TMEM163: variants seen among roughly 807,000 people sequenced by gnomAD.
The protein encoded by TMEM163 is transmembrane protein 163.
A neutral mutation model predicts 29.3 loss-of-function variants in TMEM163; 17 were observed. That is an observed-to-expected ratio of 0.58 (90% confidence interval 0.40 to 0.87). The LOEUF (loss-of-function observed/expected upper bound fraction) is 0.87. TMEM163 is among the 40% of genes least tolerant of loss of function. TMEM163 has a pLI of 0.00. For synonymous variants in TMEM163, 157 were observed against 160.6 expected (o/e 0.98, Z 0.17); for missense variants, 303 against 381.5 (o/e 0.79, Z 1.71).
chr2:134,659,995 G>T (rs183317381), intron 2 of TMEM163, among the ~76,000 whole-genome samples: 1 of 152,292 alleles, frequency 6.6e-6, no homozygotes, highest in East Asian at 1.9e-4. Context: ...TGTTTATTTA[G>T]TTCATGAAGA....
chr2:134,680,905 A>G (rs551668553), intron 2 of TMEM163, among the ~76,000 whole-genome samples: 11 of 152,294 alleles, frequency 7.2e-5, no homozygotes, highest in Admixed American at 3.3e-4. Context: ...ACAAAAGCAC[A>G]TGAAGAGCTT....
intron 6 of TMEM163, among the ~76,000 whole-genome samples, chr2:134,465,219 AAT>A (rs767806354): frequency 0.018 from 2,386 of 135,890 alleles, 54 homozygotes; most frequent in African/African-American, 0.056. Flanking sequence ...ACAAAACAAA[AAT>A]ATATATATAT....
chr2:134,503,661 T>C (rs146422363), intron 4 of TMEM163, among the ~76,000 whole-genome samples: 3 of 152,142 alleles, frequency 2.0e-5, no homozygotes, highest in African/African-American at 4.8e-5. Context: ...TAAGAGAAAC[T>C]CTAAAAGGCA....
intron 4 of TMEM163, among the ~76,000 whole-genome samples, chr2:134,507,335 T>TATAAATAA (rs756894803): frequency 7.5e-6 from 1 of 133,602 alleles, no homozygotes; most frequent in Non-Finnish European, 1.6e-5. Flanking sequence ...AAACTCTACC[T>TATAAATAA]CTAAATAAAT....
At chr2:134,539,722 A>G (rs1220986724) in intron 4 of TMEM163, among the ~76,000 whole-genome samples, 1 of 152,250 alleles carries the variant, frequency 6.6e-6, no homozygotes, top group Non-Finnish European at 1.5e-5. Context: ...TTCAATGTCC[A>G]GTAGCAAACA....
At chr2:134,708,293 T>A (rs2104897616) in intron 2 of TMEM163, among the ~76,000 whole-genome samples, 1 of 152,340 alleles carries the variant, frequency 6.6e-6, no homozygotes, top group African/African-American at 2.4e-5. Context: ...GTCTGTCAGA[T>A]GAGAGAACAC....
intron 2 of TMEM163, among the ~76,000 whole-genome samples, chr2:134,572,239 A>AC (rs1681447691): frequency 6.6e-6 from 1 of 152,048 alleles, no homozygotes; most frequent in Non-Finnish European, 1.5e-5. Flanking sequence ...CGTCAGCCAC[A>AC]CCCCCAACAT....
intron 2 of TMEM163, among the ~76,000 whole-genome samples, chr2:134,602,293 TCTGGTTAATTACA>T (rs1361604914): frequency 1.3e-5 from 2 of 152,144 alleles, no homozygotes; most frequent in Non-Finnish European, 2.9e-5. Context: ...GTGACATCGT[TCTGGTTAATTACA>T]CTGCTTCCAG....
chr2:134,518,497 G>A (rs528577433), intron 4 of TMEM163, among the ~76,000 whole-genome samples: 3 of 152,260 alleles, frequency 2.0e-5, no homozygotes, highest in South Asian at 2.1e-4. Context: ...TAAATGTAAC[G>A]CACCACAGTG....
chr2:134,626,360 C>T (rs1682851083), intron 2 of TMEM163, among the ~76,000 whole-genome samples: 1 of 152,140 alleles, frequency 6.6e-6, no homozygotes, highest in Non-Finnish European at 1.5e-5. Context: ...CTGCCTCGGC[C>T]TCCCAAAGTG....
rs538730487 is a variant in TMEM163 at position 134,638,340 on chromosome 2, C to T, written c.322+74860G>A. Among the ~76,000 whole-genome samples the T allele has an allele frequency of 6.6e-5, 10 of 152,332 alleles. 1 individual carries two copies. The highest frequency in any genetic ancestry group is 2.4e-4 in the African/African-American group (10 of 41,574). ...CTGTGTGTCAGACTTTCTGCATGCACATCTGCGTAAATCTGCAAGATAAAT... is the reference window on the plus strand; with the variant it reads ...CTGTGTGTCAGACTTTCTGCATGCATATCTGCGTAAATCTGCAAGATAAAT... On this transcript the variant is annotated intron_variant, in intron 2 of 7. Transcript: ENST00000281924.
chr2:134,544,256 T>C (rs938558451), intron 4 of TMEM163, among the ~76,000 whole-genome samples: 4 of 152,168 alleles, frequency 2.6e-5, no homozygotes, highest in Non-Finnish European at 5.9e-5. Flanking sequence ...CGAAATTCCA[T>C]GTCATTCGGC....
chr2:134,501,376 G>A lies in TMEM163; in HGVS notation c.555+1525C>T, dbSNP rs1022587070. Among the ~76,000 whole-genome samples the A allele has an allele frequency of 2.0e-5, 3 of 152,130 alleles. No individual in the cohort carries two copies. In the East Asian group the frequency reaches 5.8e-4, roughly 29 times the overall value. On this transcript the variant is annotated intron_variant, in intron 5 of 7. Transcript: ENST00000281924. ...CCCAGTTAAAAGTGGTTCAGCTATC[G>A]GGAGAATAACAAGGAGAGCCATTAC...
At chr2:134,527,310 TAC>T (rs1377678307) in intron 4 of TMEM163, among the ~76,000 whole-genome samples, 1 of 152,120 alleles carries the variant, frequency 6.6e-6, no homozygotes, top group Non-Finnish European at 1.5e-5. Flanking sequence ...TGTGTGTATA[TAC>T]ACTTACTATA....
At chr2:134,561,580 A>T (rs1574239098) in intron 2 of TMEM163, among the ~76,000 whole-genome samples, 1 of 152,114 alleles carries the variant, frequency 6.6e-6, no homozygotes, top group Non-Finnish European at 1.5e-5. Flanking sequence ...CGATCTCCTG[A>T]CCTCGCGATC....
intron 2 of TMEM163, among the ~76,000 whole-genome samples, chr2:134,648,732 C>G (rs1225844181): frequency 2.6e-5 from 4 of 152,180 alleles, no homozygotes; most frequent in African/African-American, 9.7e-5. Context: ...GTTGTTGCTT[C>G]TAATTATAAT....
chr2:134,593,954 T>A (rs116529518), intron 2 of TMEM163, among the ~76,000 whole-genome samples: 2 of 152,050 alleles, frequency 1.3e-5, no homozygotes, highest in Non-Finnish European at 2.9e-5. Context: ...GAAACCAACA[T>A]GCCAGATGGA....
At chr2:134,470,787 C>T (rs1293334631) in intron 5 of TMEM163, among the ~76,000 whole-genome samples, 3 of 152,208 alleles carry the variant, frequency 2.0e-5, no homozygotes, top group Admixed American at 6.5e-5. Flanking sequence ...GGCTCTCCTG[C>T]GGTGCACGTG....
At chr2:134,570,857 A>G (rs1398153924) in intron 2 of TMEM163, among the ~76,000 whole-genome samples, 1 of 152,200 alleles carries the variant, frequency 6.6e-6, no homozygotes, top group Non-Finnish European at 1.5e-5. Context: ...TAGAGGAGAG[A>G]AGAGAGAAAG....
Sources: allele counts gnomAD v4.1 joint callset (sites outside exome capture counted in the v4.1 genomes callset), GRCh38; gene constraint gnomAD v4.1.1; transcripts MANE v1.5; gene names NCBI Gene and HGNC (gene_info 2026-07-23, HGNC 2026-07-21).